KCNMA1: variants seen among roughly 807,000 people sequenced by gnomAD.
The protein encoded by KCNMA1 is Calcium-activated potassium channel subunit alpha-1.
A neutral mutation model predicts 140.0 loss-of-function variants in KCNMA1; 29 were observed. The observed-to-expected ratio is 0.21, with a 90% CI of 0.15 to 0.28. The LOEUF (loss-of-function observed/expected upper bound fraction) is 0.28. Among genes scored for constraint, KCNMA1 ranks in the 10% least tolerant of loss-of-function variants. The pLI is 1.00. For synonymous variants in KCNMA1, 612 were observed against 611.9 expected, an observed-to-expected ratio of 1.00 and a Z score of 0.00; for missense variants, 880 against 1,602.2, an observed-to-expected ratio of 0.55 and a Z score of 7.70.
At chr10:77,348,900 C>CCT in intron 2 of KCNMA1, among the ~76,000 whole-genome samples, 1 of 151,752 alleles carries the variant, frequency 6.6e-6, no homozygotes, top group African/African-American at 2.4e-5. Flanking sequence ...AAGCCACATC[C>CCT]CTCTCTCTCT....
intron 2 of KCNMA1, among the ~76,000 whole-genome samples, chr10:77,348,141 TACTACAGG>T (rs971420035): frequency 2.0e-5 from 3 of 152,316 alleles, no homozygotes; most frequent in African/African-American, 7.2e-5. Flanking sequence ...CTAACCCCTT[TACTACAGG>T]ACATCTATGG....
At chr10:76,909,711 TC>T (rs1332199786) in intron 25 of KCNMA1, among the ~76,000 whole-genome samples, 1 of 152,206 alleles carries the variant, frequency 6.6e-6, no homozygotes, top group Non-Finnish European at 1.5e-5. Flanking sequence ...TTTTCTGGGA[TC>T]CCCAAAACCA....
chr10:77,530,263 A>G (rs1447849967), intron 1 of KCNMA1, among the ~76,000 whole-genome samples: 1 of 152,224 alleles, frequency 6.6e-6, no homozygotes, highest in Non-Finnish European at 1.5e-5. Flanking sequence ...ACAGAGGGAC[A>G]AGGAAAGAGA....
chr10:77,028,276 G>A (rs1226017923), intron 15 of KCNMA1, among the ~76,000 whole-genome samples: 5 of 152,084 alleles, frequency 3.3e-5, no homozygotes, highest in African/African-American at 4.8e-5. Context: ...TTTGGATTCC[G>A]TTTCGGTCTT....
chr10:77,223,520 A>T (rs569051639), intron 3 of KCNMA1, among the ~76,000 whole-genome samples: 1 of 152,346 alleles, frequency 6.6e-6, no homozygotes, highest in South Asian at 2.1e-4. Context: ...GAATCCCATG[A>T]CATCCAAGAT....
intron 1 of KCNMA1, among the ~76,000 whole-genome samples, chr10:77,534,669 A>T (rs952482081): frequency 6.6e-6 from 1 of 152,232 alleles, no homozygotes; most frequent in Non-Finnish European, 1.5e-5. Flanking sequence ...GGTAGATGGA[A>T]GGAATAAGAT....
At chr10:77,319,716 G>A (rs569510516) in intron 2 of KCNMA1, among the ~76,000 whole-genome samples, 2 of 152,286 alleles carry the variant, frequency 1.3e-5, no homozygotes, top group Admixed American at 1.3e-4. Flanking sequence ...TGACACTTCT[G>A]GATGGAAGCT....
intron 19 of KCNMA1, chr10:76,973,956 C>A (rs2153196177): frequency 6.6e-6 from 1 of 152,462 alleles, no homozygotes; most frequent in Non-Finnish European, 1.5e-5. Context: ...ATTCCCTCTG[C>A]CCTGTTTCCC....
rs1186524978 is a variant in KCNMA1, at chr10:77,081,997, T to TTTTTC, written c.1524-2452_1524-2448dup. 8.2e-5 allele frequency among the ~76,000 whole-genome samples: 6 copies of TTTTTC among 73,102 alleles called. No homozygotes were observed. In the East Asian group the frequency reaches 1.1e-3, roughly 14 times the overall value. The allele number at this position is 73,102 out of a possible 152,430, so 48.0% of individuals were successfully genotyped here. On this transcript the variant is annotated intron_variant, in intron 12 of 27. Coordinates refer to ENST00000286628, the MANE Select transcript of KCNMA1 (RefSeq NM_001161352.2). ...TACTACCTTTGACCAGTAATTTCTTTTTTTCTTTTCTTTTTTTTTTTTTTT... is the reference window on the plus strand; with the variant it reads ...TACTACCTTTGACCAGTAATTTCTTTTTTTCTTTTCTTTTCTTTTTTTTTTTTTTT...
intron 2 of KCNMA1, among the ~76,000 whole-genome samples, chr10:77,286,790 C>T (rs1179051747): frequency 1.0e-4 from 14 of 140,316 alleles, no homozygotes; most frequent in African/African-American, 3.1e-4. Context: ...GGGTTCCATT[C>T]TTACTTTATG....
intron 5 of KCNMA1, among the ~76,000 whole-genome samples, chr10:77,158,591 C>G (rs2098517776): frequency 6.6e-6 from 1 of 152,132 alleles, no homozygotes; most frequent in African/African-American, 2.4e-5. Flanking sequence ...CTCTCTAGCT[C>G]CATAACTGGG....
intron 3 of KCNMA1, among the ~76,000 whole-genome samples, chr10:77,242,739 G>A (rs974539325): frequency 2.4e-4 from 37 of 152,162 alleles, no homozygotes; most frequent in African/African-American, 8.9e-4. Flanking sequence ...CTTATACACA[G>A]TTTGTACTCA....
chr10:77,485,151 T>C (rs1020686085), intron 1 of KCNMA1, among the ~76,000 whole-genome samples: 1 of 152,238 alleles, frequency 6.6e-6, no homozygotes, highest in African/African-American at 2.4e-5. Flanking sequence ...TAGGGAGCAC[T>C]TCTGAATGAG....
In KCNMA1 at chr10:77,090,420, C is replaced by T. The variant is rs777031653; in HGVS notation, c.1314G>A (p.Val438=). The change falls in exon 10 of 28, where the codon GTG becomes GTA. Residue 438 remains valine (V), a synonymous_variant. Coordinates refer to ENST00000286628, the MANE Select transcript of KCNMA1 (RefSeq NM_001161352.2). ...FLHKDRDDVN[V]EIVFLHNISP... is the part of the protein sequence containing the mutation. ...CTTACTTGTGAAGAAAAACGATCTC[C>T]ACATTGACGTCATCCCGGTCCTTGT... 4 of 1,613,182 alleles carry T rather than the reference C, an allele frequency of 2.5e-6. No individual in the cohort carries two copies. Among genetic ancestry groups the T allele is most frequent in the East Asian group, 4.5e-5 (2 of 44,872 alleles).
chr10:77,637,509 G>A lies in KCNMA1; in HGVS notation c.134C>T (p.Ser45Phe), dbSNP rs1429334349. Residue 45 changes from serine to phenylalanine, a missense_variant, in exon 1 of 28, where the codon TCC becomes TTC. By Grantham distance (155) the Ser-to-Phe change is radical. Around this residue, in one of 13 missense-constraint regions of KCNMA1, gnomAD observed 94 missense variants for 92.4 expected, o/e 1.02. Transcript: ENST00000286628. ...SLDASSSSSSSSSSSSSSSSS... is the reference protein window; with the variant it reads ...SLDASSSSSSFSSSSSSSSSS... ...GGAGGAAGAAGAAGAAGAGGAAGAG[G>A]AGGAGGAGGAGGAGGAGGACGCGTC... 4 of 1,554,674 alleles carry A rather than the reference G, an allele frequency of 2.6e-6. No homozygotes were observed. Among genetic ancestry groups the A allele is most frequent in the Non-Finnish European group, 2.6e-6 (3 of 1,140,740 alleles).
Position 77,400,374 on chromosome 10 carries a change from G to T in KCNMA1, c.540+3488C>A, listed in dbSNP as rs573516239. Among the ~76,000 whole-genome samples the T allele has an allele frequency of 3.3e-5, 5 of 152,270 alleles. No individual in the cohort carries two copies. In the South Asian group the frequency reaches 1.0e-3, roughly 32 times the overall value. ...CTTCAGAGAGCAGCTGGCACCTTGG[G>T]CAGGCTCAGGCAAAGAGGCCTGAGT... On this transcript the variant is annotated intron_variant, in intron 2 of 27. Transcript: ENST00000286628.
chr10:77,485,498 G>C (rs1039488007), intron 1 of KCNMA1, among the ~76,000 whole-genome samples: 1 of 152,158 alleles, frequency 6.6e-6, no homozygotes, highest in Non-Finnish European at 1.5e-5. Flanking sequence ...TTTCCTTTCT[G>C]TTAGCAAGCC....
intron 19 of KCNMA1, among the ~76,000 whole-genome samples, chr10:76,984,440 T>G (rs1277524348): frequency 6.6e-6 from 1 of 152,182 alleles, no homozygotes; most frequent in Non-Finnish European, 1.5e-5. Flanking sequence ...TCTGCCCGCC[T>G]CAGCCTCCCA....
At chr10:77,584,486 C>A (rs1224971560) in intron 1 of KCNMA1, among the ~76,000 whole-genome samples, 1 of 152,150 alleles carries the variant, frequency 6.6e-6, no homozygotes, top group Non-Finnish European at 1.5e-5. Flanking sequence ...TCCAGAGTAG[C>A]TGGGACTACA....
Sources: gnomAD v4.1 joint callset for allele counts (sites outside exome capture counted in the v4.1 genomes callset) on GRCh38, gnomAD v4.1.1 for gene constraint, gnomAD v4.1.1 regional missense constraint, MANE v1.5 for transcripts, NCBI Gene and HGNC (gene_info 2026-07-23, HGNC 2026-07-21) for gene names.